SLC25A33: variants seen among roughly 807,000 people sequenced by gnomAD.
SLC25A33 encodes the protein bone marrow stromal cell mitochondrial carrier protein.
SLC25A33 carries 15 observed loss-of-function variants against 35.5 expected under a neutral mutation model. The ratio of observed to expected loss-of-function variants is 0.42; its 90% CI spans 0.28 to 0.65. The LOEUF (loss-of-function observed/expected upper bound fraction) is 0.65, where lower values mean the gene tolerates loss of function less well. Ranked by LOEUF, SLC25A33 falls within the 30% of genes least tolerant of loss-of-function variation. The pLI is 0.20. For synonymous variants in SLC25A33, 136 were observed against 148.7 expected (o/e 0.91, Z 0.62); for missense variants, 257 against 398.5 (o/e 0.64, Z 3.02).
At chr1:9,557,629 T>G (rs1250210524) in intron 2 of SLC25A33, among the ~76,000 whole-genome samples, 1 of 152,192 alleles carries the variant, frequency 6.6e-6, no homozygotes, top group African/African-American at 2.4e-5. Flanking sequence ...TAACTGAGCA[T>G]GATATTCAGA....
intron 2 of SLC25A33, among the ~76,000 whole-genome samples, chr1:9,557,075 A>T (rs1225635633): frequency 6.6e-6 from 1 of 152,164 alleles, no homozygotes; most frequent in Middle Eastern, 3.2e-3. Flanking sequence ...CTGGGATTAC[A>T]GGAATGTGCT....
chr1:9,564,739 A>AAAAATATATATATAT (rs60174872), intron 2 of SLC25A33, among the ~76,000 whole-genome samples: 5 of 96,538 alleles, frequency 5.2e-5, no homozygotes, highest in African/African-American at 2.2e-4. Flanking sequence ...AAAAAAAAAA[A>AAAAATATATATATAT]ATATATATAT....
Position 9,561,257 on chromosome 1 carries a change from T to TC in SLC25A33, c.237-6026dup, listed in dbSNP as rs370729606. On this transcript the variant is annotated intron_variant, in intron 2 of 6. Coordinates refer to ENST00000302692, the MANE Select transcript of SLC25A33 (RefSeq NM_032315.3). Reference sequence around the variant, plus strand: ...CGCGCGCAGCCCTCTTTTTGTTTTTTCAAGTGCCTTTTTCATTGAAAAGTA... The same window carrying TC: ...CGCGCGCAGCCCTCTTTTTGTTTTTTCCAAGTGCCTTTTTCATTGAAAAGTA... Among the ~76,000 whole-genome samples, 5 of 152,332 alleles carry TC rather than the reference T, an allele frequency of 3.3e-5. No individual in the cohort carries two copies. The East Asian group carries it at 9.6e-4, about 29-fold the overall frequency.
At chr1:9,580,486 T>A (rs1643726509) in intron 6 of SLC25A33, among the ~76,000 whole-genome samples, 4 of 152,204 alleles carry the variant, frequency 2.6e-5, no homozygotes, top group Admixed American at 2.6e-4. Context: ...TGCTGAACTT[T>A]TGCTGTTTTC....
intron 1 of SLC25A33, among the ~76,000 whole-genome samples, chr1:9,550,620 T>C (rs1405676097): frequency 6.6e-6 from 1 of 152,108 alleles, no homozygotes; most frequent in African/African-American, 2.4e-5. Flanking sequence ...TTTGTATGAA[T>C]AGACATGGGT....
chr1:9,564,948 G>A (rs1294105897), intron 2 of SLC25A33, among the ~76,000 whole-genome samples: 1 of 151,118 alleles, frequency 6.6e-6, no homozygotes, highest in Admixed American at 6.6e-5. Context: ...ATAAAAAGAA[G>A]GAAATTGTGA....
chr1:9,560,456 C>T (rs375500432), intron 2 of SLC25A33, among the ~76,000 whole-genome samples: 4 of 151,428 alleles, frequency 2.6e-5, no homozygotes, highest in East Asian at 1.9e-4. Flanking sequence ...CCCGGCTACT[C>T]GGGAGGTTGA....
intron 2 of SLC25A33, among the ~76,000 whole-genome samples, 178 bp downstream of exon 2, chr1:9,553,983 G>C (rs987515671): frequency 1.5e-4 from 23 of 152,140 alleles, no homozygotes; most frequent in African/African-American, 5.6e-4. Context: ...CTGGCAGCGG[G>C]GGGTCCCAGT....
chr1:9,573,974 T>G lies in SLC25A33; in HGVS notation c.482+562T>G, dbSNP rs577910339. On this transcript the variant is annotated intron_variant, in intron 5 of 6. Coordinates refer to ENST00000302692, the MANE Select transcript of SLC25A33 (RefSeq NM_032315.3). ...GTTGTTTTTTGAGTTTTTTTGTTTTTTTGTTGTTGTTGTTGTTGTTTTGTT... is the reference window on the plus strand; with the variant it reads ...GTTGTTTTTTGAGTTTTTTTGTTTTGTTGTTGTTGTTGTTGTTGTTTTGTT... 3.7e-4 allele frequency among the ~76,000 whole-genome samples: 56 copies of G among 152,102 alleles called. 1 individual carries two copies. The highest frequency in any genetic ancestry group is 5.7e-4 in the Non-Finnish European group (39 of 67,968).
chr1:9,546,120 C>T (rs926126134), intron 1 of SLC25A33, among the ~76,000 whole-genome samples: 5 of 151,726 alleles, frequency 3.3e-5, no homozygotes, highest in Admixed American at 2.0e-4. Flanking sequence ...AGCTTTCCTC[C>T]ACTGGATTCA....
At position 9,580,185 on chromosome 1, in the gene SLC25A33, A is replaced by C. The variant is rs1364545282; in HGVS notation, c.714A>C (p.Ala238=). Residue 238 remains alanine, a synonymous_variant, in exon 6 of 7, where the codon GCA becomes GCC. Coordinates refer to ENST00000302692, the MANE Select transcript of SLC25A33 (RefSeq NM_032315.3). ...CCACAAGTTTTTTTGGACTTATGGC[A>C]GCTGCTGCTCTTTCTAAGGGCTGTG... The part of the protein sequence containing the change: ...KNSTSFFGLM[A]AAALSKGCAS... 1 of 1,609,858 alleles carries C rather than the reference A, an allele frequency of 6.2e-7. No individual in the cohort carries two copies. Among genetic ancestry groups the C allele is most frequent in the East Asian group, 2.2e-5 (1 of 44,858 alleles).
intron 5 of SLC25A33, 110 bp from the exon 6 acceptor site, chr1:9,579,844 A>T: frequency 8.7e-6 from 11 of 1,263,560 alleles, no homozygotes; most frequent in Non-Finnish European, 1.2e-5. Context: ...GCCAGGAAAC[A>T]AGTATCCTAA....
chr1:9,545,135 A>C (rs994408511), intron 1 of SLC25A33, among the ~76,000 whole-genome samples: 4 of 152,146 alleles, frequency 2.6e-5, no homozygotes, highest in Admixed American at 6.5e-5. Flanking sequence ...TAAATACAAA[A>C]CTTCAGTTTT....
intron 2 of SLC25A33, chr1:9,556,206 C>G: frequency 1.0e-6 from 1 of 985,380 alleles, no homozygotes; most frequent in African/African-American, 1.7e-5. Context: ...CCGGGTGACA[C>G]CTTTCTTCTA....
intron 5 of SLC25A33, 87 bp downstream of exon 5, chr1:9,573,499 G>T: frequency 1.9e-6 from 2 of 1,071,620 alleles, no homozygotes; most frequent in Non-Finnish European, 2.8e-6. Flanking sequence ...CTAAGGATGA[G>T]ATATAGAGAT....
intron 1 of SLC25A33, among the ~76,000 whole-genome samples, chr1:9,543,499 T>C (rs1351665214): frequency 6.6e-6 from 1 of 152,176 alleles, no homozygotes; most frequent in Non-Finnish European, 1.5e-5. Flanking sequence ...ACAGAAGTGC[T>C]TTGAGGTGGC....
chr1:9,571,861 G>A (rs546464513), intron 4 of SLC25A33, among the ~76,000 whole-genome samples: 34 of 152,100 alleles, frequency 2.2e-4, no homozygotes, highest in East Asian at 7.7e-4. Flanking sequence ...AGCTCGTCTC[G>A]AACTACTGAA....
chr1:9,575,615 G>GA (rs997834670), intron 5 of SLC25A33, among the ~76,000 whole-genome samples: 31 of 148,976 alleles, frequency 2.1e-4, no homozygotes, highest in South Asian at 8.7e-4. Context: ...ACTCTGTCTG[G>GA]AAAAAAAAAC....
At chr1:9,576,866 G>C (rs1360366172) in intron 5 of SLC25A33, 5 of 1,253,454 alleles carry the variant, frequency 4.0e-6, no homozygotes, top group Middle Eastern at 2.8e-4. Context: ...AAATGACATC[G>C]AGCTTGTTTC....
Sources: allele counts gnomAD v4.1 joint callset (sites outside exome capture counted in the v4.1 genomes callset), GRCh38; gene constraint gnomAD v4.1.1; transcripts MANE v1.5; gene names NCBI Gene and HGNC (gene_info 2026-07-23, HGNC 2026-07-21).